The following HGFAC variants were observed in gnomAD, a reference collection of about 807,000 sequenced individuals.
HGFAC encodes the protein hepatocyte growth factor activator serine protease.
A neutral mutation model predicts 70.6 loss-of-function variants in HGFAC; 76 were observed. The ratio of observed to expected loss-of-function variants is 1.08; its 90% CI spans 0.89 to 1.30. The LOEUF (loss-of-function observed/expected upper bound fraction) is 1.30, where lower values mean the gene tolerates loss of function less well. Among genes scored for constraint, HGFAC ranks in the 50% most tolerant of loss-of-function variants. The pLI is 0.00. For missense variants in HGFAC, 1,044 were observed against 933.7 expected, an observed-to-expected ratio of 1.12 and a Z score of -1.54; for synonymous variants, 464 against 405.3, an observed-to-expected ratio of 1.14 and a Z score of -1.74.
In HGFAC at chr4:3,448,293, C is replaced by A. The variant is rs749745681; in HGVS notation, c.1785+17C>A. ...GCCTGCCAGGTGAGCTGGTGCCCGC[C>A]CCACCAGGACCCGACTGGTGGGGGC... On this transcript the variant is annotated intron_variant, in intron 13 of 13. Coordinates refer to ENST00000382774, the MANE Select transcript of HGFAC (RefSeq NM_001528.4). The A allele has an allele frequency of 1.1e-5, 17 of 1,601,898 alleles. No individual in the cohort carries two copies. Among genetic ancestry groups the A allele is most frequent in the Non-Finnish European group, 1.4e-5 (16 of 1,176,484 alleles).
chr4:3,445,832 C>T (rs951393671), intron 9 of HGFAC: 17 of 1,512,634 alleles, frequency 1.1e-5, no homozygotes, highest in Middle Eastern at 1.7e-4. Flanking sequence ...GCCCCTCTGG[C>T]CCTCACAGAG....
intron 1 of HGFAC, 77 bp from the exon 2 acceptor site, chr4:3,442,655 A>G (rs1725352626): frequency 1.6e-5 from 18 of 1,097,000 alleles, no homozygotes; most frequent in Non-Finnish European, 2.1e-5. Flanking sequence ...AAACAGGCTC[A>G]GGGCTGTGAC....
Position 3,449,246 on chromosome 4 carries a change from G to C in HGFAC, c.1795G>C (p.Gly599Arg). ...CAACGTCTCTGCCCAGGGGGACTCA[G>C]GGGGGCCCCTGGCCTGCGAGAAGAA... Reference protein sequence around the residue: ...CKSDACQGDSGGPLACEKNGV... With the variant: ...CKSDACQGDSRGPLACEKNGV... The change falls in exon 14 of 14, where the codon GGG becomes CGG. Residue 599 changes from glycine (G) to arginine (R), a missense_variant. By Grantham distance (125) the Gly-to-Arg change is moderately radical (BLOSUM62 -2). Transcript: ENST00000382774. 1 of 1,610,824 alleles carries C rather than the reference G, an allele frequency of 6.2e-7. No individual in the cohort carries two copies. The highest frequency in any genetic ancestry group is 8.5e-7 in the Non-Finnish European group (1 of 1,178,900).
intron 13 of HGFAC, 125 bp downstream of exon 13, chr4:3,448,401 G>A (rs1725608346): frequency 5.0e-6 from 6 of 1,195,016 alleles, no homozygotes; most frequent in Non-Finnish European, 6.9e-6. Context: ...GGCCAGCCAG[G>A]GACCCCTGGG....
chr4:3,447,424 G>T (rs1725547191), intron 10 of HGFAC, 68 bp from the exon 11 acceptor site: 5 of 1,577,646 alleles, frequency 3.2e-6, no homozygotes, highest in South Asian at 2.2e-5. Flanking sequence ...CTGACAGGGG[G>T]TGGGGAGAGG....
chr4:3,447,779 G>C, intron 11 of HGFAC, 116 bp from the exon 12 acceptor site: 1 of 1,528,030 alleles, frequency 6.5e-7, no homozygotes, highest in Non-Finnish European at 8.9e-7. Flanking sequence ...GCTCCCTTCT[G>C]GATCTCCCAG....
At position 3,448,205 on chromosome 4, in the gene HGFAC, G is replaced by A. The variant is rs754909707; in HGVS notation, c.1714G>A (p.Val572Ile). 21 of 1,607,036 alleles carry A rather than the reference G, an allele frequency of 1.3e-5. No homozygotes were observed. The highest frequency in any genetic ancestry group is 2.2e-5 in the South Asian group (2 of 90,068). ...CGACCACAAGTGCAGCAGCCCTGAG[G>A]TCTACGGCGCCGACATCAGCCCCAA... ...VADHKCSSPE[V>I]YGADISPNML... Residue 572 changes from valine (V) to isoleucine (I), a missense_variant, in exon 13 of 14, where the codon GTC becomes ATC. Coordinates refer to ENST00000382774, the MANE Select transcript of HGFAC (RefSeq NM_001528.4).
rs1285779235 is a variant in HGFAC at position 3,445,177 on chromosome 4, C to T, written c.1017-88C>T. The T allele has an allele frequency of 3.5e-5, 47 of 1,339,354 alleles. 1 individual carries two copies. The highest frequency in any genetic ancestry group is 5.0e-5 in the East Asian group (2 of 39,754). 83.0% of individuals were successfully genotyped at this position (1,339,354 alleles called of 1,614,324 possible). A position where few individuals can be genotyped will look rare whatever the true frequency, so the allele number is the denominator to read the frequency against. ...TCCCACTGCTCCAGGTGCGGGGAACCGCCCTGCTGGGGGTTCCGATGCCCC... is the reference window on the plus strand; with the variant it reads ...TCCCACTGCTCCAGGTGCGGGGAACTGCCCTGCTGGGGGTTCCGATGCCCC... On this transcript the variant is annotated intron_variant, in intron 8 of 13. Transcript: ENST00000382774.
At chr4:3,447,769 G>T (rs1234028572) in intron 11 of HGFAC, 126 bp from the exon 12 acceptor site, 9 of 1,511,916 alleles carry the variant, frequency 6.0e-6, no homozygotes, top group South Asian at 1.2e-5. Context: ...ACAGGGCACC[G>T]CTCCCTTCTG....
Position 3,442,100 on chromosome 4 carries a change from C to T in HGFAC, c.99C>T (p.Phe33=). ...TGCTGCTGCTGCTGCCACGGGGGTT[C>T]CAGCCCCAGCCTGGCGGGGTGAGCA... The part of the protein sequence containing the change: ...LLLLLLLPRG[F]QPQPGGNRTE... Residue 33 remains phenylalanine, a synonymous_variant, in exon 1 of 14, where the codon TTC becomes TTT. Transcript: ENST00000382774. 6.4e-7 allele frequency: 1 copy of T among 1,560,162 alleles called. No individual in the cohort carries two copies. Among genetic ancestry groups the T allele is most frequent in the Non-Finnish European group, 8.6e-7 (1 of 1,164,446 alleles).
chr4:3,446,594 G>A (rs962792428), intron 10 of HGFAC, among the ~76,000 whole-genome samples: 1 of 152,034 alleles, frequency 6.6e-6, no homozygotes, highest in African/African-American at 2.4e-5. Context: ...CTCCCCGCAG[G>A]CCCCGCCCCT....
At chr4:3,446,021 C>A in intron 9 of HGFAC, 21 bp from the exon 10 acceptor site, 1 of 1,605,472 alleles carries the variant, frequency 6.2e-7, no homozygotes, top group East Asian at 2.2e-5. Flanking sequence ...AGGGGTGTGA[C>A]CCGGTGACCT....
Position 3,448,169 on chromosome 4 carries a change from C to A in HGFAC, c.1678C>A (p.Pro560Thr). 1 of 1,600,578 alleles carries A rather than the reference C, an allele frequency of 6.2e-7. No individual in the cohort carries two copies. The highest frequency in any genetic ancestry group is 2.3e-5 in the East Asian group (1 of 44,340). ...YSSSLREALV[P>T]LVADHKCSSP... ...CAGCTCCCTGCGGGAGGCCCTGGTC[C>A]CCCTGGTCGCCGACCACAAGTGCAG... Residue 560 changes from proline (P) to threonine (T), a missense_variant, in exon 13 of 14, where the codon CCC becomes ACC. Pro to Thr is a conservative substitution (Grantham distance 38, BLOSUM62 -1). Transcript: ENST00000382774.
chr4:3,441,791 C>T (rs1295858994), upstream of HGFAC: 9 of 499,766 alleles, frequency 1.8e-5, no homozygotes, highest in Admixed American at 4.3e-5. This position sits in a 1 kb window ranked among gnomAD's most constrained non-coding sequence, Gnocchi z 6.0. Flanking sequence ...CAGTGCAGGC[C>T]GAGGCCAGAG....
intron 9 of HGFAC, 91 bp from the exon 10 acceptor site, chr4:3,445,951 C>T (rs1725492883): frequency 1.9e-6 from 3 of 1,564,428 alleles, no homozygotes; most frequent in Non-Finnish European, 2.6e-6. Flanking sequence ...CCATGGCCCT[C>T]TGCAGCGCCT....
chr4:3,447,918 G>A lies in HGFAC; in HGVS notation c.1519G>A (p.Gly507Arg), dbSNP rs2109301845. 1.2e-6 allele frequency: 2 copies of A among 1,610,714 alleles called. No individual in the cohort carries two copies. Among genetic ancestry groups the A allele is most frequent in the East Asian group, 2.2e-5 (1 of 44,786 alleles). ...DLVLIRLKKK[G>R]DRCATRSQFV... ...AGTCCTGATCCGGCTGAAGAAGAAA[G>A]GGGACCGCTGTGCCACACGCTCGCA... Residue 507 changes from glycine (G) to arginine (R), a missense_variant, in exon 12 of 14, where the codon GGG (glycine) becomes AGG (arginine). Gly to Arg is a moderately radical substitution (Grantham distance 125, BLOSUM62 -2). Transcript: ENST00000382774.
intron 11 of HGFAC, 70 bp downstream of exon 11, chr4:3,447,701 A>C: frequency 6.3e-7 from 1 of 1,592,222 alleles, no homozygotes; most frequent in Non-Finnish European, 8.6e-7. Context: ...AGGCCCAGAC[A>C]GGGGCAGGAG....
chr4:3,442,085 G>A lies in HGFAC; in HGVS notation c.84G>A (p.Leu28=). The A allele has an allele frequency of 6.4e-7, 1 of 1,558,988 alleles. No homozygotes were observed. The highest frequency in any genetic ancestry group is 1.9e-5 in the Admixed American group (1 of 51,612). Reference sequence around the variant, plus strand: ...TCCTCCTCCTCCTGCTGCTGCTGCTGCTGCCACGGGGGTTCCAGCCCCAGC... The same window carrying A: ...TCCTCCTCCTCCTGCTGCTGCTGCTACTGCCACGGGGGTTCCAGCCCCAGC... The part of the protein sequence containing the change: ...PFLLLLLLLL[L]LPRGFQPQPG... Residue 28 remains leucine (L), a synonymous_variant, in exon 1 of 14, where the codon CTG becomes CTA. Transcript: ENST00000382774.
chr4:3,444,586 C>T (rs918892910), intron 6 of HGFAC, 37 bp from the exon 7 acceptor site: 13 of 1,545,798 alleles, frequency 8.4e-6, no homozygotes, highest in African/African-American at 4.1e-5. Context: ...TGGGGCACTG[C>T]GCGGCCCCTG....
Sources: gnomAD v4.1 joint callset for allele counts (sites outside exome capture counted in the v4.1 genomes callset) on GRCh38, gnomAD v4.1.1 for gene constraint, Gnocchi (gnomAD v3.1) non-coding constraint, MANE v1.5 for transcripts, NCBI Gene and HGNC (gene_info 2026-07-23, HGNC 2026-07-21) for gene names.